Variants in NDUFA7 observed in about 807,000 individuals in gnomAD.
The protein encoded by NDUFA7 is NADH:ubiquinone oxidoreductase subunit A7, also known as NADH dehydrogenase [ubiquinone] 1 alpha subcomplex subunit 7.
In NDUFA7, 18 loss-of-function variants were observed where a neutral mutation model predicts 14.2. The ratio of observed to expected loss-of-function variants is 1.27; its 90% CI spans 0.88 to 1.88. The LOEUF is 1.88. NDUFA7 is among the 40% of genes most tolerant of loss of function. The probability of loss-of-function intolerance (pLI) is 0.00; values close to 1 mark genes in which losing one functional copy is unlikely to be tolerated. For synonymous variants in NDUFA7, 75 were observed against 62.1 expected (o/e 1.21, Z -0.98); for missense variants, 172 against 147.3 (o/e 1.17, Z -0.87).
intron 3 of NDUFA7, among the ~76,000 whole-genome samples, chr19:8,311,836 G>GC (rs1970181963): frequency 6.6e-6 from 1 of 152,140 alleles, no homozygotes; most frequent in Non-Finnish European, 1.5e-5. Flanking sequence ...CCCTGCTGTG[G>GC]CCCCCAGGCC....
chr19:8,313,209 C>G (rs967969014), intron 3 of NDUFA7, among the ~76,000 whole-genome samples: 4 of 151,870 alleles, frequency 2.6e-5, no homozygotes, highest in African/African-American at 9.7e-5. Flanking sequence ...GCACACACCA[C>G]TGCGCCTGGC....
downstream of NDUFA7, among the ~76,000 whole-genome samples, chr19:8,309,618 C>T (rs575223236): frequency 1.3e-4 from 20 of 152,244 alleles, no homozygotes; most frequent in African/African-American, 4.3e-4. Context: ...CTGATTCATC[C>T]TTTTGCCCCA....
At chr19:8,321,248 G>A (rs1263257617) in intron 1 of NDUFA7, 60 bp downstream of exon 1, 84 of 1,474,134 alleles carry the variant, frequency 5.7e-5, no homozygotes, top group Non-Finnish European at 7.1e-5. Flanking sequence ...GAGCAGGAGC[G>A]GGTCCCGGAC....
chr19:8,310,464 CCTA>C (rs1347642795), downstream of NDUFA7: 1 of 152,404 alleles, frequency 6.6e-6, no homozygotes, highest in African/African-American at 2.4e-5. Flanking sequence ...CTGTGGCTGG[CCTA>C]CTGAGTGTCC....
chr19:8,314,270 G>A (rs746908230), intron 3 of NDUFA7, among the ~76,000 whole-genome samples: 8 of 151,598 alleles, frequency 5.3e-5, no homozygotes, highest in African/African-American at 7.3e-5. Context: ...GCAGTGAGCC[G>A]AAATCGCGCC....
In NDUFA7 at chr19:8,316,554, G is replaced by A. The variant is rs1434329344; in HGVS notation, c.193C>T (p.Pro65Ser). ...CTRDGRRESV[P>S]PSIIMSSQKA... ...TGCGACGACATGATGATGGAAGGGG[G>A]CACAGATTCCCGGCGGCCATCGCGA... Residue 65 changes from proline to serine, a missense_variant, in exon 3 of 4, where the codon CCC becomes TCC. Coordinates refer to ENST00000301457, the MANE Select transcript of NDUFA7 (RefSeq NM_005001.5). 1 of 1,614,144 alleles carries A rather than the reference G, an allele frequency of 6.2e-7. No individual in the cohort carries two copies. Among genetic ancestry groups the A allele is most frequent in the African/African-American group, 1.3e-5 (1 of 75,042 alleles).
rs1213407457 is a variant in NDUFA7, at chr19:8,311,498, T to C, written c.*7A>G. ...CAAAGTAGTCGGGTGGCCGTGAGGGTGCAGTGTCACAGGTAAGGCTGGTCC... is the reference window on the plus strand; with the variant it reads ...CAAAGTAGTCGGGTGGCCGTGAGGGCGCAGTGTCACAGGTAAGGCTGGTCC... On this transcript the variant is annotated 3_prime_UTR_variant, in exon 4 of 4. Coordinates refer to ENST00000301457, the MANE Select transcript of NDUFA7 (RefSeq NM_005001.5). 1 of 1,598,410 alleles carries C rather than the reference T, an allele frequency of 6.3e-7. No homozygotes were observed. The highest frequency in any genetic ancestry group is 2.3e-5 in the East Asian group (1 of 43,922).
chr19:8,321,180 G>T, intron 1 of NDUFA7, 128 bp downstream of exon 1: 1 of 1,211,360 alleles, frequency 8.3e-7, no homozygotes, highest in Non-Finnish European at 1.1e-6. Flanking sequence ...GTGACTAGCT[G>T]GGGGTTCCCA....
intron 2 of NDUFA7, 107 bp downstream of exon 2, chr19:8,320,750 T>C (rs1970293391): frequency 7.5e-7 from 1 of 1,341,938 alleles, no homozygotes; most frequent in Non-Finnish European, 1.1e-6. Context: ...AGGGGACTGG[T>C]GGCAGGATGT....
At chr19:8,315,978 C>T (rs909436008) in intron 3 of NDUFA7, among the ~76,000 whole-genome samples, 3 of 151,782 alleles carry the variant, frequency 2.0e-5, no homozygotes, top group South Asian at 2.1e-4. Flanking sequence ...GGTGAAACCC[C>T]GCCTCTACTG....
At chr19:8,318,537 G>A (rs1271014901) in intron 2 of NDUFA7, among the ~76,000 whole-genome samples, 3 of 151,824 alleles carry the variant, frequency 2.0e-5, no homozygotes, top group Non-Finnish European at 4.4e-5. Context: ...ACGGTAACAT[G>A]TGCCTGTAAT....
chr19:8,319,554 C>G (rs1970275933), intron 2 of NDUFA7: 1 of 121,146 alleles, frequency 8.3e-6, no homozygotes, highest in Admixed American at 8.3e-5. Context: ...GAGCAAAACT[C>G]CGTCTCAAAA....
intron 3 of NDUFA7, among the ~76,000 whole-genome samples, chr19:8,313,417 A>G (rs1230842378): frequency 6.6e-6 from 1 of 151,812 alleles, no homozygotes; most frequent in Non-Finnish European, 1.5e-5. Context: ...TTTTTAGTAC[A>G]GACAGGGTTT....
chr19:8,315,382 T>TA (rs1970221482), intron 3 of NDUFA7, among the ~76,000 whole-genome samples: 1 of 151,852 alleles, frequency 6.6e-6, no homozygotes, highest in African/African-American at 2.4e-5. Flanking sequence ...TGTCTCGGTG[T>TA]AAAACCCGAT....
Position 8,316,508 on chromosome 19 carries a change from T to G in NDUFA7, c.239A>C (p.Lys80Thr), listed in dbSNP as rs755394650. 6.2e-7 allele frequency: 1 copy of G among 1,613,974 alleles called. No individual in the cohort carries two copies. The highest frequency in any genetic ancestry group is 2.2e-5 in the East Asian group (1 of 44,872). The change falls in exon 3 of 4, where the codon AAG (lysine) becomes ACG (threonine). Residue 80 changes from lysine to threonine, a missense_variant. Transcript: ENST00000301457. ...TGGAGATCCTCACCTCTCTGCTGGC[T>G]TGCCTGACACCAGCGCCTTCTGCGA... Reference protein sequence around the residue: ...MSSQKALVSGKPAESSAVAAT... With the variant: ...MSSQKALVSGTPAESSAVAAT...
rs925939429 is a variant in NDUFA7 at position 8,320,977 on chromosome 19, C to T, written c.52-71G>A. ...AGAGAGGAAAGGAGAGGGCAAGGGA[C>T]CAGGGATGGTCCGGGGATGCGCATT... On this transcript the variant is annotated intron_variant, in intron 1 of 3. Coordinates refer to ENST00000301457, the MANE Select transcript of NDUFA7 (RefSeq NM_005001.5). 1.9e-6 allele frequency: 3 copies of T among 1,556,526 alleles called. No homozygotes were observed. In the African/African-American group the frequency reaches 4.1e-5, roughly 21 times the overall value.
chr19:8,317,952 C>A (rs558159892), intron 2 of NDUFA7, among the ~76,000 whole-genome samples: 2 of 152,156 alleles, frequency 1.3e-5, no homozygotes, highest in Non-Finnish European at 2.9e-5. Flanking sequence ...GGATTACAGG[C>A]GTGAGCCACC....
chr19:8,315,825 C>T (rs917582444), intron 3 of NDUFA7, among the ~76,000 whole-genome samples: 5 of 151,952 alleles, frequency 3.3e-5, no homozygotes, highest in South Asian at 2.1e-4. Context: ...GCCTGGGCGA[C>T]GCAGGGAGAC....
rs906382759 is a variant in NDUFA7 at position 8,311,606 on chromosome 19, G to T, written c.252-11C>A. 39 of 1,609,358 alleles carry T rather than the reference G, an allele frequency of 2.4e-5. No individual in the cohort carries two copies. Among genetic ancestry groups the T allele is most frequent in the Non-Finnish European group, 3.1e-5 (36 of 1,177,356 alleles). On this transcript the variant is annotated splice_polypyrimidine_tract_variant and intron_variant, in intron 3 of 3. Transcript: ENST00000301457. ...GCAGCTACAGCAGAGCTGGAGGAGG[G>T]AAAGACTTCAGTGAGGGTTTCCAAA...
Sources: allele counts gnomAD v4.1 joint callset (sites outside exome capture counted in the v4.1 genomes callset), GRCh38; gene constraint gnomAD v4.1.1; transcripts MANE v1.5; gene names NCBI Gene and HGNC (gene_info 2026-07-23, HGNC 2026-07-21).